The following SV2C variants were observed in gnomAD, a reference collection of about 807,000 sequenced individuals.
SV2C encodes synaptic vesicle glycoprotein 2C.
In SV2C, 49 loss-of-function variants were observed where a neutral mutation model predicts 79.7. The observed-to-expected ratio is 0.61, with a 90% confidence interval of 0.49 to 0.78. The LOEUF is 0.78. Ranked by LOEUF, SV2C falls within the 30% of genes least tolerant of loss-of-function variation. SV2C has a pLI of 0.00. For synonymous variants in SV2C, 334 were observed against 333.2 expected (o/e 1.00, Z -0.03); for missense variants, 833 against 912.9 (o/e 0.91, Z 1.13).
At chr5:76,316,701 A>G (rs1299291686) in intron 12 of SV2C, among the ~76,000 whole-genome samples, 1 of 152,096 alleles carries the variant, frequency 6.6e-6, no homozygotes, top group African/African-American at 2.4e-5. Context: ...GGGAGATGTG[A>G]GAGTACGGGG....
At chr5:76,127,414 A>C (rs563691376) in intron 1 of SV2C, among the ~76,000 whole-genome samples, 1 of 152,244 alleles carries the variant, frequency 6.6e-6, no homozygotes, top group South Asian at 2.1e-4. Context: ...AAAATATCAC[A>C]CACAATGATT....
At chr5:76,006,117 G>C in the SV2C span, among the ~76,000 whole-genome samples, 32,393 of 152,046 alleles carry the variant, frequency 0.21, 3,463 homozygotes, top group Middle Eastern at 0.28. Flanking sequence ...TAATGATTGA[G>C]TGTTTGACTT....
At chr5:76,245,255 A>G (rs1455566895) in intron 4 of SV2C, among the ~76,000 whole-genome samples, 4 of 152,212 alleles carry the variant, frequency 2.6e-5, no homozygotes, top group African/African-American at 9.6e-5. Context: ...TGTAGGAATG[A>G]ATGAATGAAT....
At chr5:75,974,606 C>A in the SV2C span, among the ~76,000 whole-genome samples, 25 of 151,556 alleles carry the variant, frequency 1.6e-4, no homozygotes, top group Admixed American at 1.4e-3. Flanking sequence ...ACAGTGATGG[C>A]ATATTGGGAT....
intron 2 of SV2C, among the ~76,000 whole-genome samples, chr5:76,145,627 A>G (rs1311545663): frequency 5.3e-5 from 8 of 152,186 alleles, no homozygotes; most frequent in Non-Finnish European, 1.5e-5. Context: ...TAATATGAAC[A>G]TGGCATGGCA....
At chr5:76,157,535 G>T (rs990019307) in intron 2 of SV2C, among the ~76,000 whole-genome samples, 1 of 151,706 alleles carries the variant, frequency 6.6e-6, no homozygotes, top group African/African-American at 2.4e-5. Flanking sequence ...TTTAAAAACT[G>T]ATTTAAAAAG....
chr5:76,039,510 G>C, the SV2C span, among the ~76,000 whole-genome samples: 2 of 152,078 alleles, frequency 1.3e-5, no homozygotes, highest in Non-Finnish European at 2.9e-5. Context: ...AATCCCAGCA[G>C]TTTGCGAGGC....
At chr5:76,001,969 G>A in the SV2C span, among the ~76,000 whole-genome samples, 1 of 151,826 alleles carries the variant, frequency 6.6e-6, no homozygotes, top group Non-Finnish European at 1.5e-5. Flanking sequence ...TTCCCCCTGA[G>A]TTCCCAAAGT....
In SV2C at chr5:76,132,154, C is replaced by T; in HGVS notation, c.404C>T (p.Ala135Val). The part of the protein sequence containing the change: ...SERRADEEEL[A>V]QQYELIIQEC... ...AGGAGAGCTGACGAGGAAGAGTTAG[C>T]CCAGCAGTATGAGCTGATAATCCAA... is the stretch of plus-strand genomic sequence containing the variant. Residue 135 changes from alanine (A) to valine (V), a missense_variant, in exon 2 of 13, where the codon GCC becomes GTC. Transcript: ENST00000502798. The T allele has an allele frequency of 6.2e-7, 1 of 1,614,142 alleles. No individual in the cohort carries two copies. Among genetic ancestry groups the T allele is most frequent in the Non-Finnish European group, 8.5e-7 (1 of 1,180,032 alleles).
chr5:76,040,562 G>A, the SV2C span, among the ~76,000 whole-genome samples: 4 of 152,348 alleles, frequency 2.6e-5, no homozygotes, highest in South Asian at 8.3e-4. Context: ...TATATGTGTA[G>A]GTTGGTATAA....
At chr5:76,339,435 A>G (rs1057089189) in intron 12 of SV2C, among the ~76,000 whole-genome samples, 11 of 152,026 alleles carry the variant, frequency 7.2e-5, no homozygotes, top group Non-Finnish European at 1.2e-4. Flanking sequence ...TCTCATTTCA[A>G]TGGGCATGGT....
chr5:76,044,964 T>G, the SV2C span, among the ~76,000 whole-genome samples: 88,768 of 152,052 alleles, frequency 0.58, 27,981 homozygotes, highest in African/African-American at 0.83. Context: ...AATTGCTTTT[T>G]ATGTTTTCAT....
At chr5:76,007,614 A>G in the SV2C span, among the ~76,000 whole-genome samples, 1 of 152,132 alleles carries the variant, frequency 6.6e-6, no homozygotes, top group African/African-American at 2.4e-5. Flanking sequence ...AGTACATTTG[A>G]GAGGAAACTA....
rs571577247 is a variant in SV2C at position 76,088,750 on chromosome 5, C to T, written c.-102+5238C>T. 2.0e-5 allele frequency among the ~76,000 whole-genome samples: 3 copies of T among 152,196 alleles called. No homozygotes were observed. In the South Asian group the frequency reaches 6.2e-4, roughly 32 times the overall value. ...TGTCCTATATTTTTATTTGCCAAAT[C>T]TAGCAATTCTGTTTATGAAGCTCAC... is the stretch of plus-strand genomic sequence containing the variant. On this transcript the variant is annotated intron_variant, in intron 1 of 12. Transcript: ENST00000502798.
Position 76,241,294 on chromosome 5 carries a change from TACA to T in SV2C, c.913+31413_913+31415del, listed in dbSNP as rs369552475. Among the ~76,000 whole-genome samples, 156 of 150,952 alleles carry T rather than the reference TACA, an allele frequency of 1.0e-3. 3 individuals carry two copies. The East Asian group carries it at 0.023, about 22-fold the overall frequency. ...CATGGGCAGACAATCGTTAACAGTATACAACAACTTTCAAACTCCCTTCTTCAA... is the reference window on the plus strand; with the variant it reads ...CATGGGCAGACAATCGTTAACAGTATACAACTTTCAAACTCCCTTCTTCAA... On this transcript the variant is annotated intron_variant, in intron 4 of 12. Transcript: ENST00000502798.
the SV2C span, among the ~76,000 whole-genome samples, chr5:76,022,008 C>T: frequency 6.6e-6 from 1 of 152,034 alleles, no homozygotes; most frequent in East Asian, 1.9e-4. Context: ...ATTAATAATC[C>T]TATAATTAAC....
rs1484073752 is a variant in SV2C, at chr5:76,285,885, C to A, written c.1137+15C>A. The A allele has an allele frequency of 6.2e-7, 1 of 1,604,784 alleles. No homozygotes were observed. Among genetic ancestry groups the A allele is most frequent in the Non-Finnish European group, 8.5e-7 (1 of 1,174,500 alleles). ...AGGTCTTCACGGTGAGTCTTCTCCC[C>A]AGAGAATCCTCAACACCAGGGATTG... On this transcript the variant is annotated intron_variant, in intron 6 of 12. Coordinates refer to ENST00000502798, the MANE Select transcript of SV2C (RefSeq NM_014979.4).
chr5:76,132,677 CT>C (rs1386019997), intron 2 of SV2C, among the ~76,000 whole-genome samples: 1 of 152,104 alleles, frequency 6.6e-6, no homozygotes, highest in Non-Finnish European at 1.5e-5. Context: ...CAAAGCTACT[CT>C]CTTGGAAGTT....
intron 4 of SV2C, among the ~76,000 whole-genome samples, chr5:76,225,103 T>G (rs981113): frequency 0.61 from 93,312 of 152,062 alleles, 29,420 homozygotes; most frequent in African/African-American, 0.73. Flanking sequence ...TTCCTGAGAT[T>G]TACAATCAAC....
Sources: allele counts gnomAD v4.1 joint callset (sites outside exome capture counted in the v4.1 genomes callset), GRCh38; gene constraint gnomAD v4.1.1; transcripts MANE v1.5; gene names NCBI Gene and HGNC (gene_info 2026-07-23, HGNC 2026-07-21).